The following CAMTA1 variants were observed in gnomAD, a reference collection of about 807,000 sequenced individuals.
CAMTA1 encodes calmodulin-binding transcription activator 1.
A neutral mutation model predicts 170.9 loss-of-function variants in CAMTA1; 27 were observed. That is an observed-to-expected ratio of 0.16 (90% CI 0.12 to 0.22). The LOEUF is 0.22. Among genes scored for constraint, CAMTA1 ranks in the 10% least tolerant of loss-of-function variants. CAMTA1 has a pLI of 1.00. For missense variants in CAMTA1, 1,619 were observed against 2,217.2 expected, an observed-to-expected ratio of 0.73 and a Z score of 5.42; for synonymous variants, 833 against 891.5, an observed-to-expected ratio of 0.93 and a Z score of 1.17.
At chr1:7,626,277 G>A (rs918080543) in intron 6 of CAMTA1, among the ~76,000 whole-genome samples, 2 of 152,138 alleles carry the variant, frequency 1.3e-5, no homozygotes, top group South Asian at 2.1e-4. Flanking sequence ...CTGCCTCCAC[G>A]GCCAGCCCAT....
chr1:7,599,667 G>A (rs946433660), intron 6 of CAMTA1, among the ~76,000 whole-genome samples: 3 of 152,178 alleles, frequency 2.0e-5, no homozygotes, highest in Admixed American at 6.5e-5. Context: ...TCCCTTGTAA[G>A]TTGGATTCCT....
At chr1:6,933,905 G>C (rs967314718) in intron 3 of CAMTA1, among the ~76,000 whole-genome samples, 4 of 152,168 alleles carry the variant, frequency 2.6e-5, no homozygotes, top group Non-Finnish European at 4.4e-5. Context: ...GTGAATCTAA[G>C]TCGTGTTAGC....
chr1:6,787,639 A>G (rs2147979105), intron 1 of CAMTA1, among the ~76,000 whole-genome samples: 1 of 152,340 alleles, frequency 6.6e-6, no homozygotes, highest in South Asian at 2.1e-4. Context: ...TCAGGCTTAG[A>G]AGCAGCAGCA....
chr1:7,434,055 C>T (rs1252419036), intron 5 of CAMTA1, among the ~76,000 whole-genome samples: 1 of 152,128 alleles, frequency 6.6e-6, no homozygotes, highest in Non-Finnish European at 1.5e-5. Flanking sequence ...ACATCCCTTC[C>T]ACCTCCTGGA....
At chr1:6,831,836 C>G (rs1269466346) in intron 3 of CAMTA1, among the ~76,000 whole-genome samples, 1 of 152,032 alleles carries the variant, frequency 6.6e-6, no homozygotes, top group Admixed American at 6.5e-5. Flanking sequence ...GTAAAAATGT[C>G]TATGTAGAGA....
intron 7 of CAMTA1, among the ~76,000 whole-genome samples, chr1:7,655,957 T>A (rs2095899421): frequency 1.3e-5 from 2 of 152,190 alleles, no homozygotes; most frequent in Non-Finnish European, 2.9e-5. Context: ...TGCAACTGTG[T>A]CTGGAGGTGG....
At chr1:7,655,393 C>T (rs577588019) in intron 7 of CAMTA1, among the ~76,000 whole-genome samples, 7 of 129,424 alleles carry the variant, frequency 5.4e-5, no homozygotes, top group Admixed American at 5.1e-4. Flanking sequence ...CACGTATGCA[C>T]ACAAATACAC....
chr1:7,709,838 A>G (rs1433353231), intron 11 of CAMTA1, among the ~76,000 whole-genome samples: 2 of 152,234 alleles, frequency 1.3e-5, no homozygotes, highest in African/African-American at 4.8e-5. Context: ...CACCATCATC[A>G]GATTTTAAAA....
chr1:6,919,433 T>C (rs1418710605), intron 3 of CAMTA1, among the ~76,000 whole-genome samples: 1 of 152,210 alleles, frequency 6.6e-6, no homozygotes, highest in African/African-American at 2.4e-5. Context: ...GAGCTAGGTG[T>C]CTGAGCTGAC....
intron 4 of CAMTA1, among the ~76,000 whole-genome samples, chr1:7,213,727 G>T (rs11120879): frequency 0.64 from 96,634 of 151,774 alleles, 31,499 homozygotes; most frequent in African/African-American, 0.78. Context: ...CATTTAACAT[G>T]AGGTATATCT....
chr1:6,990,042 G>T (rs190842001), intron 3 of CAMTA1, among the ~76,000 whole-genome samples: 11 of 152,234 alleles, frequency 7.2e-5, no homozygotes, highest in African/African-American at 2.6e-4. Context: ...AAGCCCTTCT[G>T]CTAACATCTC....
chr1:7,495,873 G>A (rs947959987), intron 6 of CAMTA1, among the ~76,000 whole-genome samples: 19 of 152,330 alleles, frequency 1.2e-4, no homozygotes, highest in Non-Finnish European at 2.1e-4. Context: ...ACCCGCCCAG[G>A]AAAGCCTGCG....
chr1:6,877,483 C>T (rs1393209559), intron 3 of CAMTA1, among the ~76,000 whole-genome samples: 2 of 152,150 alleles, frequency 1.3e-5, no homozygotes, highest in African/African-American at 2.4e-5. Context: ...AAGGAAAAGT[C>T]GGCAACGCTA....
chr1:7,098,322 A>AT (rs1195891725), intron 4 of CAMTA1, among the ~76,000 whole-genome samples: 1 of 152,244 alleles, frequency 6.6e-6, no homozygotes, highest in African/African-American at 2.4e-5. Flanking sequence ...CGCACTTCAA[A>AT]TTAACACAGA....
chr1:7,569,750 CCAT>C (rs1011681823), intron 6 of CAMTA1, among the ~76,000 whole-genome samples: 8 of 151,546 alleles, frequency 5.3e-5, no homozygotes, highest in African/African-American at 1.9e-4. Context: ...AGCAGCATCA[CCAT>C]CATCATCACC....
At chr1:7,524,247 T>C (rs2094404037) in intron 6 of CAMTA1, among the ~76,000 whole-genome samples, 1 of 152,210 alleles carries the variant, frequency 6.6e-6, no homozygotes, top group Non-Finnish European at 1.5e-5. Context: ...TTGGAGCTAT[T>C]ATCAATGGTA....
chr1:7,381,946 G>A (rs1273364901), intron 5 of CAMTA1, among the ~76,000 whole-genome samples: 1 of 152,202 alleles, frequency 6.6e-6, no homozygotes, highest in East Asian at 1.9e-4. Flanking sequence ...TGGTTAGAGG[G>A]TTGAGAACTG....
chr1:7,720,291 G>A (rs2096641049), intron 11 of CAMTA1, among the ~76,000 whole-genome samples: 1 of 152,278 alleles, frequency 6.6e-6, no homozygotes, highest in African/African-American at 2.4e-5. Flanking sequence ...ATTGAGGGGC[G>A]CTGCCAGTCA....
intron 3 of CAMTA1, 136 bp from the exon 4 acceptor site, chr1:7,091,168 G>A (rs544563211): frequency 1.7e-5 from 12 of 694,250 alleles, no homozygotes; most frequent in East Asian, 2.7e-5. Flanking sequence ...AGTCCAAGTC[G>A]AGTATTTCTC....
Sources: allele counts gnomAD v4.1 joint callset (sites outside exome capture counted in the v4.1 genomes callset), GRCh38; gene constraint gnomAD v4.1.1; transcripts MANE v1.5; gene names NCBI Gene and HGNC (gene_info 2026-07-23, HGNC 2026-07-21).